CHID1: variants seen among roughly 807,000 people sequenced by gnomAD.
CHID1 encodes chitinase domain-containing protein 1.
A neutral mutation model predicts 55.4 loss-of-function variants in CHID1; 44 were observed. The ratio of observed to expected loss-of-function variants is 0.79; its 90% CI spans 0.62 to 1.02. CHID1 has a LOEUF of 1.02. CHID1 is among the 50% of genes least tolerant of loss of function. The probability of loss-of-function intolerance (pLI) is 0.00; values close to 1 mark genes in which losing one functional copy is unlikely to be tolerated. For missense variants in CHID1, 491 were observed against 515.3 expected, an observed-to-expected ratio of 0.95 and a Z score of 0.46; for synonymous variants, 216 against 212.9, an observed-to-expected ratio of 1.01 and a Z score of -0.13.
chr11:880,361 C>T (rs1440916708), intron 10 of CHID1, among the ~76,000 whole-genome samples: 1 of 152,232 alleles, frequency 6.6e-6, no homozygotes. Flanking sequence ...GCTCAGTGAC[C>T]CAGAGCGCAC....
rs563724322 is a variant in CHID1, at chr11:903,897, G to A, written c.112-786C>T. ...CCAACCACTGCCTGCCACCGCCCCC[G>A]CCAATACGACCCTACTGGCCAACCA... On this transcript the variant is annotated intron_variant, in intron 2 of 12. Transcript: ENST00000323578. 4.1e-5 allele frequency: 6 copies of A among 147,080 alleles called. No individual in the cohort carries two copies. In the East Asian group the frequency reaches 6.5e-4, roughly 16 times the overall value. 9.1% of individuals were successfully genotyped at this position (147,080 alleles called of 1,614,324 possible). A position where few individuals can be genotyped will look rare whatever the true frequency, so the allele number is the denominator to read the frequency against.
At chr11:905,296 T>C (rs1852128968) in intron 1 of CHID1, among the ~76,000 whole-genome samples, 1 of 152,272 alleles carries the variant, frequency 6.6e-6, no homozygotes, top group Non-Finnish European at 1.5e-5. Flanking sequence ...CCCAACACTT[T>C]GGGAGACCGA....
Position 900,840 on chromosome 11 carries a change from C to A in CHID1, c.439+96G>T. 3 of 1,022,398 alleles carry A rather than the reference C, an allele frequency of 2.9e-6. No homozygotes were observed. The South Asian group carries it at 4.6e-5, about 16-fold the overall frequency. 63.3% of individuals were successfully genotyped at this position (1,022,398 alleles called of 1,614,324 possible). On this transcript the variant is annotated intron_variant, in intron 5 of 12. Transcript: ENST00000323578. ...AGTAACCTGTGCCGCAGCAGCACAGCCGGGTGATCAGGAACACGTGGAGAC... is the reference window on the plus strand; with the variant it reads ...AGTAACCTGTGCCGCAGCAGCACAGACGGGTGATCAGGAACACGTGGAGAC...
intron 3 of CHID1, among the ~76,000 whole-genome samples, 189 bp downstream of exon 3, chr11:902,772 AC>A (rs890211898): frequency 6.6e-6 from 1 of 151,446 alleles, no homozygotes; most frequent in African/African-American, 2.4e-5. Flanking sequence ...CCCTGGAGAG[AC>A]CCCCAGGGTC....
rs765748473 is a variant in CHID1, at chr11:904,693, A to C, written c.111+13T>G. 2 of 1,613,966 alleles carry C rather than the reference A, an allele frequency of 1.2e-6. No homozygotes were observed. The highest frequency in any genetic ancestry group is 4.5e-5 in the East Asian group (2 of 44,874). On this transcript the variant is annotated intron_variant, in intron 2 of 12. Transcript: ENST00000323578. ...GCCAGTACAGTCACCTCAAGTCCCC[A>C]GGCCACCCTTACCTTCTCCAGCAGC... is the stretch of plus-strand genomic sequence containing the variant.
intron 10 of CHID1, among the ~76,000 whole-genome samples, chr11:872,066 G>A (rs1230381631): frequency 1.3e-5 from 2 of 152,176 alleles, no homozygotes; most frequent in Non-Finnish European, 2.9e-5. Flanking sequence ...CATGGAGGCT[G>A]CTCTGCAGAC....
chr11:880,355 A>G (rs968634003), intron 10 of CHID1, among the ~76,000 whole-genome samples: 1 of 152,224 alleles, frequency 6.6e-6, no homozygotes, highest in Non-Finnish European at 1.5e-5. Context: ...GGCCCTGCTC[A>G]GTGACCCAGA....
intron 7 of CHID1, among the ~76,000 whole-genome samples, chr11:897,741 G>A (rs1164212979): frequency 2.0e-5 from 3 of 152,266 alleles, no homozygotes; most frequent in Admixed American, 1.3e-4. Flanking sequence ...GCAGACAGAG[G>A]AGCCTCTTGG....
rs532585373 is a variant in CHID1, at chr11:875,351, G to A, written c.960-4852C>T. Among the ~76,000 whole-genome samples the A allele has an allele frequency of 2.6e-5, 4 of 152,344 alleles. No homozygotes were observed. The highest frequency in any genetic ancestry group is 1.9e-4 in the East Asian group (1 of 5,178). On this transcript the variant is annotated intron_variant, in intron 10 of 12. Coordinates refer to ENST00000323578, the MANE Select transcript of CHID1 (RefSeq NM_023947.4). The surrounding 1 kb of genome is among the most constrained non-coding windows in gnomAD (Gnocchi z 4.7). ...CCATGTCCTGACCGGAGGCCCTGAG[G>A]TTCACCGTCTCCCGCTCGGGGAGGC...
chr11:899,053 G>A (rs911583664), intron 7 of CHID1, among the ~76,000 whole-genome samples: 3 of 152,258 alleles, frequency 2.0e-5, no homozygotes, highest in Non-Finnish European at 2.9e-5. Flanking sequence ...GAGGGTCCTC[G>A]AGTTCCTCTG....
chr11:902,202 G>A lies in CHID1; in HGVS notation c.390C>T (p.Asp130=). The A allele has an allele frequency of 6.2e-7, 1 of 1,613,888 alleles. No individual in the cohort carries two copies. Among genetic ancestry groups the A allele is most frequent in the Non-Finnish European group, 8.5e-7 (1 of 1,179,960 alleles). The change falls in exon 4 of 13, where the codon GAC becomes GAT. Residue 130 remains aspartate, a synonymous_variant. Coordinates refer to ENST00000323578, the MANE Select transcript of CHID1 (RefSeq NM_023947.4). ...TCAAGCAGGAAGGATGAGAACCTTG[G>A]TCCACGTCGTGGAGGCCCGTGACCT... ...MFEVTGLHDV[D]QGWMRAVRKH...
intron 7 of CHID1, among the ~76,000 whole-genome samples, chr11:896,687 C>T (rs1851327615): frequency 8.1e-6 from 1 of 122,970 alleles, no homozygotes; most frequent in Non-Finnish European, 1.6e-5. Context: ...CCACCCCAGA[C>T]ATGAGGCTGT....
rs1442942417 is a variant in CHID1, at chr11:869,525, A to G, written c.*333T>C. The G allele has an allele frequency of 2.4e-6, 1 of 413,218 alleles. No homozygotes were observed. The highest frequency in any genetic ancestry group is 4.6e-5 in the East Asian group (1 of 21,968). The allele number at this position is 413,218 out of a possible 1,614,324, so 25.6% of individuals were successfully genotyped here. Reference sequence around the variant, plus strand: ...TTCCAGAGCTTCCAAACCCACATCCAGCCCAGGATGTGAGAAGCAGCCCAG... The same window carrying G: ...TTCCAGAGCTTCCAAACCCACATCCGGCCCAGGATGTGAGAAGCAGCCCAG... On this transcript the variant is annotated 3_prime_UTR_variant, in exon 13 of 13. Coordinates refer to ENST00000323578, the MANE Select transcript of CHID1 (RefSeq NM_023947.4).
At chr11:901,238 T>C (rs1851786318) in intron 4 of CHID1, among the ~76,000 whole-genome samples, 1 of 152,084 alleles carries the variant, frequency 6.6e-6, no homozygotes, top group South Asian at 2.1e-4. Context: ...CTCCCTGAGC[T>C]GGGACAGCTC....
rs754573713 is a variant in CHID1 at position 884,103 on chromosome 11, G to T, written c.768C>A (p.Phe256Leu). ...FEQLAPVLDG[F>L]SLMTYDYSTA... ...TAGAGTAGTCGTAGGTCATGAGGCT[G>T]AAACCATCCAGCACGGGGGCCAGCT... Residue 256 changes from phenylalanine (F) to leucine (L), a missense_variant, in exon 9 of 13, where the codon TTC becomes TTA. Physicochemically the swap from Phe to Leu is conservative, Grantham distance 22. Coordinates refer to ENST00000323578, the MANE Select transcript of CHID1 (RefSeq NM_023947.4). 7 of 1,614,162 alleles carry T rather than the reference G, an allele frequency of 4.3e-6. No homozygotes were observed. The South Asian group carries it at 7.7e-5, about 18-fold the overall frequency.
At chr11:893,655 T>C (rs989661967) in intron 7 of CHID1, 136 bp from the exon 8 acceptor site, 1 of 627,730 alleles carries the variant, frequency 1.6e-6, no homozygotes, top group African/African-American at 1.9e-5. Flanking sequence ...GTGGGCCCCT[T>C]CGTGGGAACT....
chr11:870,348 C>A, intron 11 of CHID1, 71 bp downstream of exon 11: 2 of 1,395,786 alleles, frequency 1.4e-6, no homozygotes, highest in South Asian at 1.2e-5. Flanking sequence ...CCTGCTGCTC[C>A]CTCATCTCCA....
rs750446670 is a variant in CHID1, at chr11:902,274, G to A, written c.318C>T (p.Ile106=). ...TCTTCAGCTGCAGCCAGACGGGTGA[G>A]ATCTGTGTGAACTTGCTCCCAAAGA... ...TKVFGSKFTQ[I]SPVWLQLKRR... is the part of the protein sequence containing the mutation. Residue 106 remains isoleucine, a synonymous_variant, in exon 4 of 13, where the codon ATC becomes ATT. Coordinates refer to ENST00000323578, the MANE Select transcript of CHID1 (RefSeq NM_023947.4). 1.2e-6 allele frequency: 2 copies of A among 1,614,036 alleles called. No individual in the cohort carries two copies. Among genetic ancestry groups the A allele is most frequent in the African/African-American group, 1.3e-5 (1 of 75,048 alleles).
At chr11:908,571 G>A in intron 1 of CHID1, 1 of 985,414 alleles carries the variant, frequency 1.0e-6, no homozygotes, top group Non-Finnish European at 1.2e-6. Context: ...GGCTGCCTCA[G>A]CTCCCAGGCA....
Sources: allele counts gnomAD v4.1 joint callset (sites outside exome capture counted in the v4.1 genomes callset), GRCh38; gene constraint gnomAD v4.1.1; non-coding constraint Gnocchi (gnomAD v3.1); transcripts MANE v1.5; gene names NCBI Gene and HGNC (gene_info 2026-07-23, HGNC 2026-07-21).